RIN3: variants seen among roughly 807,000 people sequenced by gnomAD.
RIN3 encodes Ras and Rab interactor 3, also known as RAB5 interacting protein 3.
In RIN3, 54 loss-of-function variants were observed where a neutral mutation model predicts 76.3. That is an observed-to-expected ratio of 0.71 (90% CI 0.57 to 0.89). The LOEUF (loss-of-function observed/expected upper bound fraction) is 0.89. RIN3 is among the 40% of genes least tolerant of loss of function. RIN3 has a pLI of 0.00. For synonymous variants in RIN3, 576 were observed against 564.0 expected (o/e 1.02, Z -0.30); for missense variants, 1,256 against 1,322.1 (o/e 0.95, Z 0.78).
intron 4 of RIN3, among the ~76,000 whole-genome samples, chr14:92,629,073 C>T (rs537082246): frequency 1.6e-4 from 24 of 151,538 alleles, no homozygotes; most frequent in Admixed American, 1.3e-3. Flanking sequence ...CAGTTGCTTT[C>T]GTATTTAGGC....
At chr14:92,687,787 G>C (rs1044026734) in intron 9 of RIN3, 139 bp from the exon 10 acceptor site, 14 of 740,306 alleles carry the variant, frequency 1.9e-5, no homozygotes, top group Middle Eastern at 4.0e-4. Flanking sequence ...CGGCAGAGAC[G>C]GGAAAGGCGC....
At chr14:92,585,225 G>A (rs1042755077) in intron 3 of RIN3, among the ~76,000 whole-genome samples, 55 of 151,998 alleles carry the variant, frequency 3.6e-4, no homozygotes, top group African/African-American at 1.3e-3. Flanking sequence ...TGTCCGGGCT[G>A]GTCTCAAACT....
chr14:92,666,611 G>A (rs1888114674), intron 7 of RIN3, among the ~76,000 whole-genome samples: 1 of 152,178 alleles, frequency 6.6e-6, no homozygotes, highest in Non-Finnish European at 1.5e-5. Flanking sequence ...ATGAGGCTTG[G>A]TGAGAGCAGC....
chr14:92,577,595 G>A, intron 3 of RIN3, 118 bp downstream of exon 3: 2 of 611,842 alleles, frequency 3.3e-6, no homozygotes, highest in Non-Finnish European at 5.9e-6. Context: ...AAATTAGAAG[G>A]AGGAAAAGCT....
At chr14:92,534,722 G>C (rs1305768602) in intron 1 of RIN3, among the ~76,000 whole-genome samples, 1 of 151,998 alleles carries the variant, frequency 6.6e-6, no homozygotes, top group Non-Finnish European at 1.5e-5. Flanking sequence ...AGCCAGGCAG[G>C]GGGTCTCTGC....
At chr14:92,592,337 G>A (rs1485134382) in intron 3 of RIN3, among the ~76,000 whole-genome samples, 4 of 150,038 alleles carry the variant, frequency 2.7e-5, no homozygotes, top group Admixed American at 2.0e-4. Flanking sequence ...GGAAGCAGAG[G>A]TTGCAGTGAG....
At chr14:92,595,630 G>A (rs1204372686) in intron 3 of RIN3, among the ~76,000 whole-genome samples, 1 of 152,180 alleles carries the variant, frequency 6.6e-6, no homozygotes, top group Non-Finnish European at 1.5e-5. Flanking sequence ...ATGGGAGTGT[G>A]TCAGTAACCT....
At chr14:92,617,065 G>A (rs1467826692) in intron 4 of RIN3, among the ~76,000 whole-genome samples, 1 of 152,150 alleles carries the variant, frequency 6.6e-6, no homozygotes, top group African/African-American at 2.4e-5. Flanking sequence ...TTGGGAGGCC[G>A]AGGCCGGTGG....
intron 2 of RIN3, among the ~76,000 whole-genome samples, chr14:92,563,855 C>T (rs1595419179): frequency 6.6e-6 from 1 of 152,280 alleles, no homozygotes; most frequent in Admixed American, 6.5e-5. Context: ...ATTTCCAGTC[C>T]TCAGTGGTTC....
intron 1 of RIN3, among the ~76,000 whole-genome samples, chr14:92,536,843 C>G (rs116857604): frequency 7.4e-6 from 1 of 134,636 alleles, no homozygotes; most frequent in Non-Finnish European, 1.6e-5. Flanking sequence ...TTCTTCCTCT[C>G]TAAAATGGGA....
At chr14:92,634,786 A>G (rs1886716017) in intron 4 of RIN3, among the ~76,000 whole-genome samples, 1 of 146,530 alleles carries the variant, frequency 6.8e-6, no homozygotes, top group African/African-American at 2.5e-5. Context: ...TGAACCCAGG[A>G]GGCAGAGGTT....
At chr14:92,649,306 C>T (rs1887319421) in intron 5 of RIN3, among the ~76,000 whole-genome samples, 1 of 152,210 alleles carries the variant, frequency 6.6e-6, no homozygotes, top group African/African-American at 2.4e-5. Flanking sequence ...TCTCAGCTCA[C>T]ATGTGGGGCT....
chr14:92,527,331 C>T (rs1462320235), intron 1 of RIN3, among the ~76,000 whole-genome samples: 4 of 152,116 alleles, frequency 2.6e-5, no homozygotes, highest in African/African-American at 4.8e-5. Flanking sequence ...GGATTACAGG[C>T]GTGAGCCACT....
At chr14:92,615,538 C>T in intron 4 of RIN3, 59 bp downstream of exon 4, 1 of 1,428,666 alleles carries the variant, frequency 7.0e-7, no homozygotes, top group Non-Finnish European at 9.9e-7. Flanking sequence ...ACATGCAACC[C>T]TGGGTGGGTG....
At chr14:92,677,193 T>A (rs563253758) in intron 8 of RIN3, among the ~76,000 whole-genome samples, 50 of 152,262 alleles carry the variant, frequency 3.3e-4, no homozygotes, top group African/African-American at 1.1e-3. Context: ...TGCTCCCCAA[T>A]AGGATGAAGG....
intron 3 of RIN3, among the ~76,000 whole-genome samples, chr14:92,607,642 C>A (rs990670804): frequency 2.0e-5 from 3 of 152,160 alleles, no homozygotes; most frequent in Non-Finnish European, 4.4e-5. Flanking sequence ...ATGGCCTTAC[C>A]ACATGACCCA....
intron 4 of RIN3, among the ~76,000 whole-genome samples, chr14:92,620,071 C>T (rs182250839): frequency 1.5e-4 from 23 of 152,256 alleles, no homozygotes; most frequent in Admixed American, 4.6e-4. Context: ...TTCACTTTTC[C>T]GACAAAATAT....
chr14:92,592,379 C>T (rs755555533), intron 3 of RIN3, among the ~76,000 whole-genome samples: 18 of 140,278 alleles, frequency 1.3e-4, no homozygotes, highest in South Asian at 4.7e-4. Context: ...CCAGCCTGGG[C>T]GACAGAGTGA....
At chr14:92,614,059 C>T (rs905656542) in intron 3 of RIN3, among the ~76,000 whole-genome samples, 2 of 152,224 alleles carry the variant, frequency 1.3e-5, no homozygotes, top group African/African-American at 4.8e-5. Flanking sequence ...GCCGTGTTCT[C>T]CACTGGTCAG....
Sources: gnomAD v4.1 joint callset for allele counts (sites outside exome capture counted in the v4.1 genomes callset) on GRCh38, gnomAD v4.1.1 for gene constraint, MANE v1.5 for transcripts, NCBI Gene and HGNC (gene_info 2026-07-23, HGNC 2026-07-21) for gene names.